The following ITK variants were observed in gnomAD, a reference collection of about 807,000 sequenced individuals.
ITK encodes tyrosine-protein kinase ITK/TSK.
ITK carries 45 observed loss-of-function variants against 87.6 expected under a neutral mutation model. The ratio of observed to expected loss-of-function variants is 0.51; its 90% CI spans 0.40 to 0.66. ITK has a LOEUF of 0.66. Ranked by LOEUF, ITK falls within the 30% of genes least tolerant of loss-of-function variation. ITK has a pLI of 0.00. For synonymous variants in ITK, 303 were observed against 273.6 expected (o/e 1.11, Z -1.06); for missense variants, 605 against 766.3 (o/e 0.79, Z 2.48).
At chr5:157,228,072 C>G (rs1359153360) in intron 6 of ITK, among the ~76,000 whole-genome samples, 1 of 151,976 alleles carries the variant, frequency 6.6e-6, no homozygotes, top group African/African-American at 2.4e-5. Context: ...AACTCTTGAC[C>G]TCGTGATCCA....
chr5:157,237,290 A>G (rs1754796205), intron 8 of ITK, among the ~76,000 whole-genome samples: 1 of 152,218 alleles, frequency 6.6e-6, no homozygotes, highest in African/African-American at 2.4e-5. Flanking sequence ...TTAACACAAA[A>G]ATGGAAAACC....
At chr5:157,238,018 T>A in intron 8 of ITK, 91 bp from the exon 9 acceptor site, 1 of 927,152 alleles carries the variant, frequency 1.1e-6, no homozygotes, top group East Asian at 2.4e-5. Context: ...GCCTACAGTA[T>A]TTCCTCCTTC....
intron 7 of ITK, among the ~76,000 whole-genome samples, chr5:157,230,985 A>G (rs1480446252): frequency 6.6e-6 from 1 of 152,228 alleles, no homozygotes; most frequent in Non-Finnish European, 1.5e-5. Context: ...AAACATTCAG[A>G]TATTTAGTAT....
intron 1 of ITK, among the ~76,000 whole-genome samples, chr5:157,182,872 A>T (rs763719253): frequency 5.3e-5 from 8 of 152,206 alleles, no homozygotes; most frequent in Non-Finnish European, 7.3e-5. Context: ...GTAAGTAATC[A>T]CAAAACCAGA....
At chr5:157,233,964 T>TATATATATCTATA (rs1491125187) in intron 8 of ITK, among the ~76,000 whole-genome samples, 1 of 16,910 alleles carries the variant, frequency 5.9e-5, no homozygotes, top group African/African-American at 1.9e-4. Context: ...TATATATATA[T>TATATATATCTATA]TTTTTTTTTT....
chr5:157,245,609 C>G, intron 13 of ITK, 117 bp from the exon 14 acceptor site: 2 of 810,910 alleles, frequency 2.5e-6, no homozygotes, highest in Non-Finnish European at 4.3e-6. Context: ...CTCCATGATG[C>G]CCTTGTATGA....
Position 157,246,013 on chromosome 5 carries a change from T to C in ITK, c.1633+14T>C, listed in dbSNP as rs1755013722. The C allele has an allele frequency of 2.6e-6, 4 of 1,545,374 alleles. No individual in the cohort carries two copies. Among genetic ancestry groups the C allele is most frequent in the Admixed American group, 3.3e-5 (2 of 59,952 alleles). The stretch of plus-strand genomic sequence containing the variant: ...TGTGGTCATTTGGTGAGTGTCATGC[T>C]GGGCCCCACTGCCCCATGATCTGGG... On this transcript the variant is annotated intron_variant, in intron 15 of 16. Coordinates refer to ENST00000422843, the MANE Select transcript of ITK (RefSeq NM_005546.4).
Position 157,252,933 on chromosome 5 carries a change from T to G in ITK, c.*255T>G. The stretch of plus-strand genomic sequence containing the variant: ...ATGTCTCTGCCCTTCCTCTAGCCTC[T>G]TGTCACATGTGGTGCACAAACCTCA... On this transcript the variant is annotated 3_prime_UTR_variant, in exon 17 of 17. Transcript: ENST00000422843. 5.6e-6 allele frequency: 3 copies of G among 540,140 alleles called. No individual in the cohort carries two copies. Among genetic ancestry groups the G allele is most frequent in the East Asian group, 3.2e-5 (1 of 31,688 alleles). 33.5% of individuals were successfully genotyped at this position (540,140 alleles called of 1,614,324 possible).
chr5:157,252,339 A>G (rs1009688212), intron 16 of ITK, among the ~76,000 whole-genome samples: 39 of 152,338 alleles, frequency 2.6e-4, no homozygotes, highest in African/African-American at 8.9e-4. Flanking sequence ...TCTCCATTTT[A>G]CAAATGACAA....
At chr5:157,220,400 C>T (rs1486081225) in intron 5 of ITK, among the ~76,000 whole-genome samples, 6 of 152,200 alleles carry the variant, frequency 3.9e-5, no homozygotes, top group African/African-American at 1.4e-4. Context: ...TCCCAGTCAA[C>T]CCAGGGCTTG....
In ITK at chr5:157,244,390, T is replaced by A; in HGVS notation, c.1361T>A (p.Phe454Tyr). Residue 454 changes from phenylalanine to tyrosine, a missense_variant, in exon 13 of 17, where the codon TTT (phenylalanine) becomes TAT (tyrosine). Physicochemically the swap from Phe to Tyr is conservative, Grantham distance 22 (BLOSUM62 3). Transcript: ENST00000422843. ...TATCTACGCACCCAGCGGGGACTTTTTGCTGCAGAGACCCTGCTGGGCATG... is the reference window on the plus strand; with the variant it reads ...TATCTACGCACCCAGCGGGGACTTTATGCTGCAGAGACCCTGCTGGGCATG... ...SDYLRTQRGL[F>Y]AAETLLGMCL... 6.2e-7 allele frequency: 1 copy of A among 1,614,040 alleles called. No individual in the cohort carries two copies. Among genetic ancestry groups the A allele is most frequent in the Non-Finnish European group, 8.5e-7 (1 of 1,179,946 alleles).
chr5:157,214,106 G>A, intron 3 of ITK, 85 bp from the exon 4 acceptor site: 1 of 1,074,392 alleles, frequency 9.3e-7, no homozygotes, highest in South Asian at 1.3e-5. Flanking sequence ...ACTCAGCCAG[G>A]TCTAATCTCG....
rs1400644561 is a variant in ITK at position 157,203,251 on chromosome 5, GA to G, written c.139-5636del. On this transcript the variant is annotated intron_variant, in intron 1 of 16. Transcript: ENST00000422843. ...TTCATCAGTTCATTTCCTGAACTCA[GA>G]ATAGCACCTCACTCATAGCTGGCCC... 2.6e-5 allele frequency among the ~76,000 whole-genome samples: 4 copies of G among 152,172 alleles called. No individual in the cohort carries two copies. The East Asian group carries it at 7.7e-4, about 29-fold the overall frequency.
chr5:157,221,476 C>G (rs1168561582), intron 5 of ITK, among the ~76,000 whole-genome samples: 2 of 151,850 alleles, frequency 1.3e-5, no homozygotes, highest in South Asian at 4.2e-4. Flanking sequence ...CCAGGATATT[C>G]GAAAGTTGTG....
chr5:157,190,984 A>G (rs1368333471), intron 1 of ITK, among the ~76,000 whole-genome samples: 1 of 152,144 alleles, frequency 6.6e-6, no homozygotes, highest in Non-Finnish European at 1.5e-5. Flanking sequence ...AAGTGAACTG[A>G]CAGCTATGGG....
At chr5:157,212,596 G>A (rs1754212413) in intron 3 of ITK, among the ~76,000 whole-genome samples, 1 of 152,214 alleles carries the variant, frequency 6.6e-6, no homozygotes, top group Non-Finnish European at 1.5e-5. Context: ...CAAGGTGGGA[G>A]GATCACTTGA....
Position 157,233,946 on chromosome 5 carries a change from TATATATATATATATATA to T in ITK, c.768+1553_768+1569del, listed in dbSNP as rs371332601. On this transcript the variant is annotated intron_variant, in intron 8 of 16. Coordinates refer to ENST00000422843, the MANE Select transcript of ITK (RefSeq NM_005546.4). Reference sequence around the variant, plus strand: ...CCTTACTGATACATATATATATATATATATATATATATATATATTTTTTTTTTTTTTTTTTTTTTTTT... The same window carrying T: ...CCTTACTGATACATATATATATATATTTTTTTTTTTTTTTTTTTTTTTTTT... 2.4e-3 allele frequency among the ~76,000 whole-genome samples: 52 copies of T among 21,324 alleles called. 1 individual carries two copies. The highest frequency in any genetic ancestry group is 0.014 in the East Asian group (7 of 486). 14.0% of individuals were successfully genotyped at this position (21,324 alleles called of 152,430 possible). A position where few individuals can be genotyped will look rare whatever the true frequency, so the allele number is the denominator to read the frequency against.
At chr5:157,202,963 A>C (rs1011517120) in intron 1 of ITK, among the ~76,000 whole-genome samples, 23 of 152,168 alleles carry the variant, frequency 1.5e-4, no homozygotes, top group Non-Finnish European at 3.2e-4. Flanking sequence ...CTAGGCTGTT[A>C]ACAAGCCAGA....
At position 157,240,179 on chromosome 5, in the gene ITK, C is replaced by G; in HGVS notation, c.969C>G (p.His323Gln). ...FDSIPLLINY[H>Q]QHNGGGLVTR... Reference sequence around the variant, plus strand: ...CCATCCCTCTTCTCATCAACTATCACCAACATAATGGAGGAGGTAAGCTCT... The same window carrying G: ...CCATCCCTCTTCTCATCAACTATCAGCAACATAATGGAGGAGGTAAGCTCT... The change falls in exon 10 of 17, where the codon CAC becomes CAG. Residue 323 changes from histidine to glutamine, a missense_variant. His to Gln is a conservative substitution (Grantham distance 24). Around this residue, in one of 3 missense-constraint regions of ITK, gnomAD observed 464 missense variants for 578.0 expected, o/e 0.80. Coordinates refer to ENST00000422843, the MANE Select transcript of ITK (RefSeq NM_005546.4). The G allele has an allele frequency of 6.2e-7, 1 of 1,614,142 alleles. No homozygotes were observed. The highest frequency in any genetic ancestry group is 8.5e-7 in the Non-Finnish European group (1 of 1,180,018).
Sources: allele counts gnomAD v4.1 joint callset (sites outside exome capture counted in the v4.1 genomes callset), GRCh38; gene constraint gnomAD v4.1.1; regional missense constraint gnomAD v4.1.1; transcripts MANE v1.5; gene names NCBI Gene and HGNC (gene_info 2026-07-23, HGNC 2026-07-21).